Variants in ANKRD34C observed in about 807,000 individuals in gnomAD.
ANKRD34C encodes the protein ankyrin repeat domain 34C.
For missense variants in ANKRD34C, 563 were observed against 653.0 expected (o/e 0.86, Z 1.50); for synonymous variants, 260 against 253.6 (o/e 1.03, Z -0.24).
chr15:79,288,593 A>G (rs1042473463), intron 1 of ANKRD34C, among the ~76,000 whole-genome samples: 4 of 152,156 alleles, frequency 2.6e-5, no homozygotes, highest in Non-Finnish European at 5.9e-5. Context: ...GTAGCAGACA[A>G]CAGCAGTAGT....
chr15:79,292,086 G>A (rs1291025886), intron 1 of ANKRD34C, among the ~76,000 whole-genome samples: 2 of 152,320 alleles, frequency 1.3e-5, no homozygotes, highest in South Asian at 2.1e-4. Context: ...CAGGCAAATA[G>A]CGTAAGAGAA....
At chr15:79,289,123 C>T (rs557291585) in intron 1 of ANKRD34C, among the ~76,000 whole-genome samples, 78 of 152,226 alleles carry the variant, frequency 5.1e-4, no homozygotes, top group African/African-American at 1.8e-3. Context: ...CCTGGACAAG[C>T]CCCGTATTCT....
Position 79,293,529 on chromosome 15 carries a change from A to G in ANKRD34C, c.245A>G (p.Asp82Gly). ...AACAGGGCAGACCCCAATATCCAAG[A>G]TAAGTCTGGCAAGACTGCCCTCATC... ...LDNRADPNIQ[D>G]KSGKTALIHA... Residue 82 changes from aspartate to glycine, a missense_variant, in exon 2 of 2, where the codon GAT becomes GGT. Transcript: ENST00000421388. 1 of 1,551,654 alleles carries G rather than the reference A, an allele frequency of 6.4e-7. No individual in the cohort carries two copies. The highest frequency in any genetic ancestry group is 8.7e-7 in the Non-Finnish European group (1 of 1,146,950).
chr15:79,294,568 C>T lies in ANKRD34C; in HGVS notation c.1284C>T (p.Ser428=). 1 of 1,551,716 alleles carries T rather than the reference C, an allele frequency of 6.4e-7. No homozygotes were observed. The highest frequency in any genetic ancestry group is 1.2e-5 in the South Asian group (1 of 84,056). The change falls in exon 2 of 2, where the codon AGC becomes AGT. Residue 428 remains serine (S), a synonymous_variant. Transcript: ENST00000421388. ...GGGAGTCCCTGGACACTGTACCTAG[C>T]ACATCCCCCAGCTCAGCACGCCGCA... ...GSRESLDTVP[S]TSPSSARRRP...
Position 79,293,313 on chromosome 15 carries a change from C to T in ANKRD34C, c.29C>T (p.Thr10Ile). Residue 10 changes from threonine (T) to isoleucine (I), a missense_variant, in exon 2 of 2, where the codon ACT (threonine) becomes ATT (isoleucine). Transcript: ENST00000421388. Reference protein sequence around the residue: MMDDDTELRTDGNSLLKAVW... With the variant: MMDDDTELRIDGNSLLKAVW... ...ATGGATGATGACACTGAATTAAGGA[C>T]TGATGGAAACTCTTTGTTAAAGGCT... 1 of 1,537,262 alleles carries T rather than the reference C, an allele frequency of 6.5e-7. No homozygotes were observed. Among genetic ancestry groups the T allele is most frequent in the Non-Finnish European group, 8.8e-7 (1 of 1,140,386 alleles).
chr15:79,285,974 A>T (rs2058643373), intron 1 of ANKRD34C, among the ~76,000 whole-genome samples: 1 of 152,216 alleles, frequency 6.6e-6, no homozygotes, highest in South Asian at 2.1e-4. Flanking sequence ...CAGCTTAAAA[A>T]ATATAAGACA....
intron 1 of ANKRD34C, among the ~76,000 whole-genome samples, chr15:79,288,459 T>TGGTCAACA (rs2058651336): frequency 6.6e-6 from 1 of 152,226 alleles, no homozygotes. Flanking sequence ...TATTTTCTAT[T>TGGTCAACA]GGTCAACATC....
intron 1 of ANKRD34C, among the ~76,000 whole-genome samples, chr15:79,290,748 C>T (rs968717342): frequency 3.3e-5 from 5 of 152,260 alleles, no homozygotes; most frequent in Admixed American, 6.5e-5. Context: ...AGTGTACATA[C>T]GAGGACGGGA....
At chr15:79,289,648 G>T (rs984921096) in intron 1 of ANKRD34C, among the ~76,000 whole-genome samples, 2 of 152,110 alleles carry the variant, frequency 1.3e-5, no homozygotes, top group African/African-American at 4.8e-5. Context: ...AAGGTAACCC[G>T]ATTATCCATC....
Position 79,294,098 on chromosome 15 carries a change from A to T in ANKRD34C, c.814A>T (p.Thr272Ser), listed in dbSNP as rs1054315690. ...GGCAGCCTCGACGCGTCAGGATGAG[A>T]CCCATGGTGCCAGCACAGACAACGA... Reference protein sequence around the residue: ...VLAASTRQDETHGASTDNEVI... With the variant: ...VLAASTRQDESHGASTDNEVI... Residue 272 changes from threonine to serine, a missense_variant, in exon 2 of 2, where the codon ACC (threonine) becomes TCC (serine). Thr to Ser is a moderately conservative substitution (Grantham distance 58, BLOSUM62 1). Transcript: ENST00000421388. 3.9e-6 allele frequency: 6 copies of T among 1,551,540 alleles called. No homozygotes were observed. Among genetic ancestry groups the T allele is most frequent in the Non-Finnish European group, 5.2e-6 (6 of 1,146,986 alleles).
chr15:79,297,214 A>G lies in ANKRD34C; in HGVS notation c.*2322A>G, dbSNP rs2058674351. On this transcript the variant is annotated 3_prime_UTR_variant, in exon 2 of 2. Transcript: ENST00000421388. ...AACTTTCCAATGCATTCAAGAGAGA[A>G]TCATACGGACAACCATCATTCTCAG... 6.0e-6 allele frequency: 1 copy of G among 167,002 alleles called. No individual in the cohort carries two copies. The highest frequency in any genetic ancestry group is 2.1e-4 in the South Asian group (1 of 4,828). The allele number at this position is 167,002 out of a possible 1,614,324, so 10.3% of individuals were successfully genotyped here.
intron 1 of ANKRD34C, among the ~76,000 whole-genome samples, chr15:79,291,587 CACACACACACACACAGAGAGAG>C (rs1254536231): frequency 5.9e-5 from 7 of 117,866 alleles, no homozygotes; most frequent in African/African-American, 2.3e-4. Flanking sequence ...CACACACACA[CACACACACACACACAGAGAGAG>C]AGAGAGAGAG....
intron 1 of ANKRD34C, among the ~76,000 whole-genome samples, chr15:79,285,742 T>C (rs2058642265): frequency 6.6e-6 from 1 of 152,148 alleles, no homozygotes; most frequent in South Asian, 2.1e-4. Flanking sequence ...TCTTAAAACA[T>C]TCAAAGAAAA....
intron 1 of ANKRD34C, among the ~76,000 whole-genome samples, chr15:79,285,878 C>T (rs1350067608): frequency 6.6e-6 from 1 of 152,042 alleles, no homozygotes; most frequent in Non-Finnish European, 1.5e-5. Flanking sequence ...AGTGAAAGAC[C>T]CTGGATTCAG....
intron 1 of ANKRD34C, chr15:79,283,615 A>C (rs1039001457): frequency 6.6e-6 from 1 of 152,188 alleles, no homozygotes; most frequent in African/African-American, 2.4e-5. Flanking sequence ...TAGGCACCTA[A>C]GCATTTCTGA....
At position 79,294,598 on chromosome 15, in the gene ANKRD34C, G is replaced by A. The variant is rs780256553; in HGVS notation, c.1314G>A (p.Pro438=). The change falls in exon 2 of 2, where the codon CCG becomes CCA. Residue 438 remains proline, a synonymous_variant. Transcript: ENST00000421388. ...CCCCCAGCTCAGCACGCCGCAGGCC[G>A]CCACATCTTCTAGAACGACGAGGTT... ...STSPSSARRR[P]PHLLERRGSG... is the part of the protein sequence containing the mutation. The A allele has an allele frequency of 2.0e-5, 31 of 1,551,576 alleles. No homozygotes were observed. The highest frequency in any genetic ancestry group is 7.1e-5 in the South Asian group (6 of 84,064).
chr15:79,290,065 C>T (rs1266836977), intron 1 of ANKRD34C, among the ~76,000 whole-genome samples: 1 of 152,152 alleles, frequency 6.6e-6, no homozygotes, highest in African/African-American at 2.4e-5. Context: ...CACTCTCTCA[C>T]CCAGGCTGGA....
intron 1 of ANKRD34C, among the ~76,000 whole-genome samples, chr15:79,290,177 A>G (rs1184877821): frequency 2.1e-5 from 3 of 140,972 alleles, no homozygotes; most frequent in Non-Finnish European, 3.0e-5. Flanking sequence ...TGTGCAAGCC[A>G]TGACACCCAG....
rs2058667396 is a variant in ANKRD34C, at chr15:79,294,407, C to T, written c.1123C>T (p.Leu375=). The T allele has an allele frequency of 6.4e-7, 1 of 1,551,518 alleles. No homozygotes were observed. Among genetic ancestry groups the T allele is most frequent in the Non-Finnish European group, 8.7e-7 (1 of 1,146,916 alleles). The change falls in exon 2 of 2, where the codon CTG becomes TTG. Residue 375 remains leucine, a synonymous_variant. Transcript: ENST00000421388. ...ALKEPASLKW[L]ENDLYDLDIQ... ...CAAAGAGCCTGCATCCCTCAAATGGCTGGAAAATGACCTCTATGACTTAGA... is the reference window on the plus strand; with the variant it reads ...CAAAGAGCCTGCATCCCTCAAATGGTTGGAAAATGACCTCTATGACTTAGA...
Sources: allele counts gnomAD v4.1 joint callset (sites outside exome capture counted in the v4.1 genomes callset), GRCh38; gene constraint gnomAD v4.1.1; transcripts MANE v1.5; gene names NCBI Gene and HGNC (gene_info 2026-07-23, HGNC 2026-07-21).